The following CACNB2 variants were observed in gnomAD, a reference collection of about 807,000 sequenced individuals.
The protein encoded by CACNB2 is calcium voltage-gated channel auxiliary subunit beta 2.
CACNB2 carries 42 observed loss-of-function variants against 73.3 expected under a neutral mutation model. The ratio of observed to expected loss-of-function variants is 0.57; its 90% CI spans 0.45 to 0.74. The LOEUF (loss-of-function observed/expected upper bound fraction) is 0.74, where lower values mean the gene tolerates loss of function less well. Among genes scored for constraint, CACNB2 ranks in the 30% least tolerant of loss-of-function variants. The pLI is 0.00. For missense variants in CACNB2, 940 were observed against 853.0 expected (o/e 1.10, Z -1.27); for synonymous variants, 348 against 310.3 (o/e 1.12, Z -1.28).
chr10:18,484,306 A>G (rs1279997393), intron 3 of CACNB2, among the ~76,000 whole-genome samples: 1 of 152,010 alleles, frequency 6.6e-6, no homozygotes, highest in Non-Finnish European at 1.5e-5. Context: ...AGGCAGGAGA[A>G]TCACTTGAAC....
chr10:18,182,821 C>CA (rs66540356), intron 2 of CACNB2, among the ~76,000 whole-genome samples: 10,994 of 117,314 alleles, frequency 0.094, 660 homozygotes, highest in African/African-American at 0.21. Flanking sequence ...GACTCTGTCT[C>CA]AAAAAAAAAA....
chr10:18,278,381 G>T (rs1316193890), intron 2 of CACNB2, among the ~76,000 whole-genome samples: 1 of 152,064 alleles, frequency 6.6e-6, no homozygotes, highest in Non-Finnish European at 1.5e-5. Flanking sequence ...AGTCTGCATT[G>T]ATGTGGCAAG....
intron 2 of CACNB2, among the ~76,000 whole-genome samples, chr10:18,209,252 G>A (rs902655502): frequency 2.0e-5 from 3 of 152,020 alleles, no homozygotes; most frequent in African/African-American, 2.4e-5. Context: ...ATGGTTTGAC[G>A]GCAACATCAC....
chr10:18,431,948 G>A (rs10741059), intron 3 of CACNB2, among the ~76,000 whole-genome samples: 135,430 of 152,150 alleles, frequency 0.89, 60,638 homozygotes, highest in African/African-American at 0.97. Flanking sequence ...TATTTTTAGT[G>A]CAAATAGGGT....
At chr10:18,192,889 T>A (rs2034466193) in intron 2 of CACNB2, among the ~76,000 whole-genome samples, 1 of 152,222 alleles carries the variant, frequency 6.6e-6, no homozygotes, top group African/African-American at 2.4e-5. Flanking sequence ...TATCCATTCA[T>A]CCACTGATGG....
intron 9 of CACNB2, among the ~76,000 whole-genome samples, chr10:18,520,366 A>G (rs1382590934): frequency 6.6e-6 from 1 of 152,038 alleles, no homozygotes; most frequent in Non-Finnish European, 1.5e-5. Flanking sequence ...CTTTATCTTC[A>G]AAATATATTC....
At chr10:18,151,515 G>A (rs1888693) in intron 2 of CACNB2, among the ~76,000 whole-genome samples, 59,236 of 151,876 alleles carry the variant, frequency 0.39, 11,810 homozygotes, top group East Asian at 0.47. Flanking sequence ...CATTTAATGT[G>A]TAGTATCTTC....
intron 2 of CACNB2, among the ~76,000 whole-genome samples, chr10:18,222,292 A>G (rs1336169813): frequency 1.3e-5 from 2 of 152,136 alleles, no homozygotes; most frequent in Non-Finnish European, 2.9e-5. Context: ...TAAGGGGACA[A>G]TGGGAAGAAA....
intron 3 of CACNB2, among the ~76,000 whole-genome samples, chr10:18,469,354 C>A (rs2048062973): frequency 6.6e-6 from 1 of 152,248 alleles, no homozygotes; most frequent in South Asian, 2.1e-4. Flanking sequence ...TTCCTTCCTT[C>A]ACACCAGTCT....
intron 2 of CACNB2, among the ~76,000 whole-genome samples, chr10:18,269,248 T>C (rs1351431872): frequency 1.3e-5 from 2 of 152,214 alleles, no homozygotes; most frequent in Non-Finnish European, 2.9e-5. Context: ...GCCTACTGAA[T>C]TATCATCCGT....
chr10:18,354,658 A>G (rs376698492), intron 2 of CACNB2, among the ~76,000 whole-genome samples: 42 of 152,234 alleles, frequency 2.8e-4, no homozygotes, highest in African/African-American at 9.1e-4. Context: ...GGATGGGGGA[A>G]CTATCTTTAG....
At chr10:18,309,474 A>G (rs2131877411) in intron 2 of CACNB2, among the ~76,000 whole-genome samples, 1 of 152,016 alleles carries the variant, frequency 6.6e-6, no homozygotes, top group East Asian at 1.9e-4. Flanking sequence ...TCCTTTTTTT[A>G]GTTTAGTGGA....
At chr10:18,509,704 C>G (rs572804895) in intron 6 of CACNB2, among the ~76,000 whole-genome samples, 73 of 152,186 alleles carry the variant, frequency 4.8e-4, no homozygotes, top group African/African-American at 1.7e-3. Context: ...GTAGGAGGTT[C>G]ACTCGAGTCC....
At position 18,538,982 on chromosome 10, in the gene CACNB2, T is replaced by C. The variant is rs116757902; in HGVS notation, c.1489-248T>C. On this transcript the variant is annotated intron_variant, in intron 13 of 13. Coordinates refer to ENST00000324631, the MANE Select transcript of CACNB2 (RefSeq NM_201596.3). ...AAAAGAACATTTTCCCTGCTGCTGCTTTTTTTTTTTTAAAGGAAAAAGTTA... is the reference window on the plus strand; with the variant it reads ...AAAAGAACATTTTCCCTGCTGCTGCCTTTTTTTTTTTAAAGGAAAAAGTTA... Among the ~76,000 whole-genome samples the C allele has an allele frequency of 0.035, 2,191 of 62,344 alleles. 52 individuals carry two copies. Among genetic ancestry groups the C allele is most frequent in the African/African-American group, 0.1 (2,071 of 20,560 alleles). The allele number at this position is 62,344 out of a possible 152,430, so 40.9% of individuals were successfully genotyped here.
intron 2 of CACNB2, among the ~76,000 whole-genome samples, chr10:18,209,088 C>A (rs925731643): frequency 3.3e-5 from 5 of 152,194 alleles, no homozygotes; most frequent in Non-Finnish European, 7.3e-5. Flanking sequence ...GAACTGCTTC[C>A]TTCCTCTTTT....
At chr10:18,480,547 G>A (rs2048671366) in intron 3 of CACNB2, among the ~76,000 whole-genome samples, 1 of 152,182 alleles carries the variant, frequency 6.6e-6, no homozygotes, top group African/African-American at 2.4e-5. Context: ...TGTTCCCACT[G>A]CCAAGAAAGT....
chr10:18,345,936 G>A (rs1408669748), intron 2 of CACNB2, among the ~76,000 whole-genome samples: 2 of 152,216 alleles, frequency 1.3e-5, no homozygotes, highest in Non-Finnish European at 2.9e-5. Context: ...CGCTTAGTAT[G>A]AAAAGTGCAT....
intron 2 of CACNB2, among the ~76,000 whole-genome samples, chr10:18,386,909 A>G (rs2043259331): frequency 6.6e-6 from 1 of 152,206 alleles, no homozygotes; most frequent in Non-Finnish European, 1.5e-5. Context: ...GATGATGATG[A>G]TGAAGGATCA....
chr10:18,205,657 C>A (rs534623298), intron 2 of CACNB2, among the ~76,000 whole-genome samples: 53 of 152,284 alleles, frequency 3.5e-4, no homozygotes, highest in Middle Eastern at 6.8e-3. Flanking sequence ...ATCTCCATGA[C>A]CTCCAAACCA....
Sources: allele counts gnomAD v4.1 joint callset (sites outside exome capture counted in the v4.1 genomes callset), GRCh38; gene constraint gnomAD v4.1.1; transcripts MANE v1.5; gene names NCBI Gene and HGNC (gene_info 2026-07-23, HGNC 2026-07-21).